KCNA2: variants seen among roughly 807,000 people sequenced by gnomAD.
KCNA2 encodes potassium voltage-gated channel subfamily A member 2.
Under a neutral mutation model 33.4 loss-of-function variants are expected in KCNA2, and 11 were observed. The ratio of observed to expected loss-of-function variants is 0.33; its 90% confidence interval spans 0.21 to 0.55. The LOEUF is 0.55. KCNA2 is among the 20% of genes least tolerant of loss of function. The pLI is 0.93. For missense variants in KCNA2, 291 were observed against 621.6 expected (o/e 0.47, Z 5.66); for synonymous variants, 222 against 231.3 (o/e 0.96, Z 0.37).
At chr1:110,615,626 C>G (rs148115295) in intron 1 of KCNA2, among the ~76,000 whole-genome samples, 2 of 152,320 alleles carry the variant, frequency 1.3e-5, no homozygotes, top group East Asian at 1.9e-4. Context: ...GTGTCAGCAA[C>G]AGTGATGCTT....
rs1649076668 is a variant in KCNA2, at chr1:110,595,879, A to G, written c.*7404T>C. ...TCACAAACCTCAAACCTAGGGCACCACCAATGACAAAGAGAATGCTAAATA... is the reference window on the plus strand; with the variant it reads ...TCACAAACCTCAAACCTAGGGCACCGCCAATGACAAAGAGAATGCTAAATA... On this transcript the variant is annotated 3_prime_UTR_variant, in exon 3 of 3. Transcript: ENST00000316361. The G allele has an allele frequency of 3.0e-5, 30 of 985,346 alleles. No homozygotes were observed. Among genetic ancestry groups the G allele is most frequent in the Non-Finnish European group, 3.6e-5 (30 of 829,946 alleles). The allele number at this position is 985,346 out of a possible 1,614,324, so 61.0% of individuals were successfully genotyped here. A position where few individuals can be genotyped will look rare whatever the true frequency, so the allele number is the denominator to read the frequency against.
intron 1 of KCNA2, among the ~76,000 whole-genome samples, chr1:110,628,595 C>G (rs1196253412): frequency 2.0e-5 from 3 of 152,172 alleles, no homozygotes; most frequent in Non-Finnish European, 4.4e-5. Flanking sequence ...GGGGCCTTGT[C>G]CAGTGTCCGG....
chr1:110,598,571 C>T lies in KCNA2; in HGVS notation c.*4712G>A. ...ACAAGCTAGTCCTGGGCCCTCCCAA[C>T]ACGGAGCAGCAACATGAACACCCAG... On this transcript the variant is annotated 3_prime_UTR_variant, in exon 3 of 3. Transcript: ENST00000316361. The T allele has an allele frequency of 1.0e-6, 1 of 985,442 alleles. No individual in the cohort carries two copies. Among genetic ancestry groups the T allele is most frequent in the Non-Finnish European group, 1.2e-6 (1 of 829,998 alleles). 61.0% of individuals were successfully genotyped at this position (985,442 alleles called of 1,614,324 possible).
At chr1:110,618,273 A>G (rs1650135542) in intron 1 of KCNA2, among the ~76,000 whole-genome samples, 2 of 152,198 alleles carry the variant, frequency 1.3e-5, no homozygotes, top group African/African-American at 4.8e-5. Context: ...CTTGAGTCCA[A>G]GAGTTCGAGG....
rs775173613 is a variant in KCNA2, at chr1:110,594,642, C to T, written c.*8641G>A. ...GACTTTCCAGCTTCCTGGGGCCCTT[C>T]AAATGAAGGAACCATCCAAGCACGA... On this transcript the variant is annotated 3_prime_UTR_variant, in exon 3 of 3. Coordinates refer to ENST00000316361, the MANE Select transcript of KCNA2 (RefSeq NM_004974.4). 3.0e-6 allele frequency: 3 copies of T among 985,402 alleles called. No homozygotes were observed. The highest frequency in any genetic ancestry group is 2.4e-6 in the Non-Finnish European group (2 of 829,966). The allele number at this position is 985,402 out of a possible 1,614,324, so 61.0% of individuals were successfully genotyped here.
At chr1:110,611,784 A>G (rs1649883087) in intron 1 of KCNA2, among the ~76,000 whole-genome samples, 1 of 151,104 alleles carries the variant, frequency 6.6e-6, no homozygotes, top group African/African-American at 2.4e-5. Flanking sequence ...ACACTCTGGG[A>G]GGTTGAGGAA....
At position 110,604,456 on chromosome 1, in the gene KCNA2, G is replaced by A; in HGVS notation, c.327C>T (p.Phe109=). The A allele has an allele frequency of 6.2e-7, 1 of 1,614,168 alleles. No homozygotes were observed. The highest frequency in any genetic ancestry group is 8.5e-7 in the Non-Finnish European group (1 of 1,180,042). Residue 109 remains phenylalanine, a synonymous_variant, in exon 3 of 3, where the codon TTC becomes TTT. Transcript: ENST00000316361. This position sits in a 1 kb window ranked among gnomAD's most constrained non-coding sequence, Gnocchi z 7.6. The stretch of plus-strand genomic sequence containing the variant: ...GCTCATAAAACCGAATTTCTTCAGA[G>A]AATATATCTAAGGGCACATTCACAG... ...RRPVNVPLDI[F]SEEIRFYELG...
intron 2 of KCNA2, 94 bp from the exon 3 acceptor site, chr1:110,605,039 G>A (rs1171559979): frequency 2.0e-6 from 1 of 511,608 alleles, no homozygotes; most frequent in African/African-American, 1.9e-5. Flanking sequence ...TCAGCCAAGA[G>A]TTCAGACACA....
chr1:110,626,447 C>T (rs918198752), intron 1 of KCNA2, among the ~76,000 whole-genome samples: 5 of 150,306 alleles, frequency 3.3e-5, no homozygotes, highest in Non-Finnish European at 1.5e-5. Flanking sequence ...AATACTAGAA[C>T]GATACACAAG....
Position 110,596,327 on chromosome 1 carries a change from TAC to T in KCNA2, c.*6954_*6955del. The T allele has an allele frequency of 2.1e-6, 1 of 468,754 alleles. No homozygotes were observed. The highest frequency in any genetic ancestry group is 2.8e-6 in the Non-Finnish European group (1 of 360,740). 29.0% of individuals were successfully genotyped at this position (468,754 alleles called of 1,614,324 possible). On this transcript the variant is annotated 3_prime_UTR_variant, in exon 3 of 3. Transcript: ENST00000316361. ...ATAATTTAAAAATAGTATACATATA[TAC>T]ATATACTATATATATATATATACAC...
rs763353895 is a variant in KCNA2, at chr1:110,604,590, G to A, written c.193C>T (p.Arg65Ter). 3 of 1,614,148 alleles carry A rather than the reference G, an allele frequency of 1.9e-6. No individual in the cohort carries two copies. Among genetic ancestry groups the A allele is most frequent in the African/African-American group, 1.3e-5 (1 of 75,028 alleles). Reference sequence around the variant, plus strand: ...CGGAGGGGGTCAAAGTACCTCATTCGTTTCTTTGGGTCCCCTAAGAGGGTC... The same window carrying A: ...CGGAGGGGGTCAAAGTACCTCATTCATTTCTTTGGGTCCCCTAAGAGGGTC... ...PETLLGDPKK[R>*]MRYFDPLRNE... Residue 65 changes from arginine (R) to a stop codon, truncating the protein, a stop_gained, in exon 3 of 3, where the codon CGA becomes TGA. Coordinates refer to ENST00000316361, the MANE Select transcript of KCNA2 (RefSeq NM_004974.4). LOFTEE classifies it high-confidence loss of function. The surrounding 1 kb of genome is among the most constrained non-coding windows in gnomAD (Gnocchi z 7.6).
upstream of KCNA2, chr1:110,606,734 G>C (rs1649649641): frequency 1.3e-5 from 2 of 152,310 alleles, no homozygotes; most frequent in South Asian, 4.1e-4. Flanking sequence ...ATCTCTGGGG[G>C]TGGGGAGTAG....
chr1:110,622,167 T>A (rs1170826259), intron 1 of KCNA2, among the ~76,000 whole-genome samples: 2 of 152,162 alleles, frequency 1.3e-5, no homozygotes, highest in African/African-American at 4.8e-5. Flanking sequence ...AAATGGAGTT[T>A]GTCATAGAAA....
chr1:110,614,043 A>G (rs1649971866), intron 1 of KCNA2, among the ~76,000 whole-genome samples: 1 of 152,194 alleles, frequency 6.6e-6, no homozygotes, highest in African/African-American at 2.4e-5. Flanking sequence ...ACCTGGAATT[A>G]TCCTTCTTGA....
In KCNA2 at chr1:110,600,377, ATTTTGCATCTGAG is replaced by A. The variant is rs1337481843; in HGVS notation, c.*2893_*2905del. The A allele has an allele frequency of 1.0e-6, 1 of 983,492 alleles. No individual in the cohort carries two copies. Among genetic ancestry groups the A allele is most frequent in the Non-Finnish European group, 1.2e-6 (1 of 829,498 alleles). The allele number at this position is 983,492 out of a possible 1,614,324, so 60.9% of individuals were successfully genotyped here. On this transcript the variant is annotated 3_prime_UTR_variant, in exon 3 of 3. Coordinates refer to ENST00000316361, the MANE Select transcript of KCNA2 (RefSeq NM_004974.4). ...ATTTTGTCCATGTAGTTTTTTATGTATTTTGCATCTGAGTTTCAGGTTGTATATTTGTATGTGG... is the reference window on the plus strand; with the variant it reads ...ATTTTGTCCATGTAGTTTTTTATGTATTTCAGGTTGTATATTTGTATGTGG...
intron 1 of KCNA2, among the ~76,000 whole-genome samples, chr1:110,612,461 T>C (rs1216905120): frequency 1.3e-5 from 2 of 152,308 alleles, no homozygotes; most frequent in South Asian, 2.1e-4. Flanking sequence ...ATCAACTGTC[T>C]TCTTCCTCCT....
chr1:110,603,820 G>C lies in KCNA2; in HGVS notation c.963C>G (p.Leu321=), dbSNP rs1295908781. 5 of 1,614,028 alleles carry C rather than the reference G, an allele frequency of 3.1e-6. No individual in the cohort carries two copies. The highest frequency in any genetic ancestry group is 4.2e-6 in the Non-Finnish European group (5 of 1,180,022). ...SKGLQILGQT[L]KASMRELGLL... ...GGCCCAATTCTCTCATGCTGGCTTT[G>C]AGGGTCTGACCTAGAATCTGGAGAC... Residue 321 remains leucine, a synonymous_variant, in exon 3 of 3, where the codon CTC becomes CTG. Coordinates refer to ENST00000316361, the MANE Select transcript of KCNA2 (RefSeq NM_004974.4). This position sits in a 1 kb window ranked among gnomAD's most constrained non-coding sequence, Gnocchi z 5.7.
At chr1:110,615,007 C>G (rs2101441963) in intron 1 of KCNA2, among the ~76,000 whole-genome samples, 1 of 152,354 alleles carries the variant, frequency 6.6e-6, no homozygotes, top group Middle Eastern at 3.4e-3. Context: ...ACCTGATGCT[C>G]AGTGCATCTT....
At chr1:110,621,216 G>A (rs914532646) in intron 1 of KCNA2, among the ~76,000 whole-genome samples, 5 of 152,096 alleles carry the variant, frequency 3.3e-5, no homozygotes, top group Non-Finnish European at 7.4e-5. Flanking sequence ...TATTTTTAAC[G>A]GTTTCCATAA....
Sources: allele counts gnomAD v4.1 joint callset (sites outside exome capture counted in the v4.1 genomes callset), GRCh38; gene constraint gnomAD v4.1.1; non-coding constraint Gnocchi (gnomAD v3.1); transcripts MANE v1.5; gene names NCBI Gene and HGNC (gene_info 2026-07-23, HGNC 2026-07-21).